Variants in LINGO2 observed in about 807,000 individuals in gnomAD.
The protein encoded by LINGO2 is leucine-rich repeat and immunoglobulin-like domain-containing nogo receptor-interacting protein 2.
In LINGO2, 14 loss-of-function variants were observed where a neutral mutation model predicts 30.6. The ratio of observed to expected loss-of-function variants is 0.46; its 90% confidence interval spans 0.30 to 0.72. The LOEUF is 0.72. Ranked by LOEUF, LINGO2 falls within the 30% of genes least tolerant of loss-of-function variation. The pLI, the probability that LINGO2 is intolerant of heterozygous loss-of-function variation, is 0.07. For missense variants in LINGO2, 729 were observed against 751.7 expected, an observed-to-expected ratio of 0.97 and a Z score of 0.35; for synonymous variants, 317 against 288.5, an observed-to-expected ratio of 1.10 and a Z score of -1.00.
At chr9:28,287,770 C>G (rs370761592) in intron 4 of LINGO2, among the ~76,000 whole-genome samples, 53 of 152,228 alleles carry the variant, frequency 3.5e-4, no homozygotes, top group African/African-American at 9.9e-4. Context: ...TTCAAGCATA[C>G]ACTGAGAGAG....
At chr9:28,444,362 G>A (rs983186770) in intron 2 of LINGO2, among the ~76,000 whole-genome samples, 2 of 152,210 alleles carry the variant, frequency 1.3e-5, no homozygotes, top group African/African-American at 2.4e-5. Flanking sequence ...TGCTGGCACT[G>A]GGTGGCCATG....
chr9:28,027,517 C>G (rs1823441870), intron 4 of LINGO2, among the ~76,000 whole-genome samples: 1 of 152,114 alleles, frequency 6.6e-6, no homozygotes, highest in Non-Finnish European at 1.5e-5. Flanking sequence ...ACTGGGGAAG[C>G]AAGCATGGGT....
chr9:29,185,548 C>A, the LINGO2 span, among the ~76,000 whole-genome samples: 2 of 152,118 alleles, frequency 1.3e-5, no homozygotes, highest in African/African-American at 4.8e-5. Flanking sequence ...TATCACACAG[C>A]TAACCTTCAT....
rs564726725 is a variant in LINGO2, at chr9:28,512,801, C to A, written c.-364-36776G>T. Among the ~76,000 whole-genome samples the A allele has an allele frequency of 7.9e-5, 12 of 151,108 alleles. No individual in the cohort carries two copies. In the East Asian group the frequency reaches 2.2e-3, roughly 27 times the overall value. On this transcript the variant is annotated intron_variant, in intron 1 of 5. Coordinates refer to ENST00000379992, the Ensembl canonical transcript of LINGO2. ...CAGTCTGAGTCCCAAAACTGAAGAACTTGGAGTCTGATGTTTGAGGGCAGG... is the reference window on the plus strand; with the variant it reads ...CAGTCTGAGTCCCAAAACTGAAGAAATTGGAGTCTGATGTTTGAGGGCAGG...
At chr9:28,771,873 G>A in the LINGO2 span, among the ~76,000 whole-genome samples, 2 of 151,930 alleles carry the variant, frequency 1.3e-5, no homozygotes, top group Middle Eastern at 3.4e-3. Context: ...GAATAGCTGG[G>A]CAAAATCTCT....
chr9:28,748,967 T>A, the LINGO2 span, among the ~76,000 whole-genome samples: 1 of 152,050 alleles, frequency 6.6e-6, no homozygotes, highest in East Asian at 1.9e-4. Flanking sequence ...GAAATCATAT[T>A]ATGGTTATAA....
At chr9:28,353,631 GA>G (rs1457289800) in intron 3 of LINGO2, among the ~76,000 whole-genome samples, 1 of 152,046 alleles carries the variant, frequency 6.6e-6, no homozygotes, top group Non-Finnish European at 1.5e-5. Flanking sequence ...AATACCATTT[GA>G]CCCAGCCATC....
At chr9:29,205,434 A>C in the LINGO2 span, among the ~76,000 whole-genome samples, 4 of 152,222 alleles carry the variant, frequency 2.6e-5, no homozygotes, top group Non-Finnish European at 2.9e-5. Context: ...TAACTTGTTC[A>C]TGATGTATTA....
intron 1 of LINGO2, among the ~76,000 whole-genome samples, chr9:28,652,059 T>C (rs1828127659): frequency 6.6e-6 from 1 of 152,186 alleles, no homozygotes. Context: ...AGAACTTTGT[T>C]TCTAAACTAT....
At chr9:28,286,194 C>G (rs946984597) in intron 4 of LINGO2, among the ~76,000 whole-genome samples, 1 of 152,106 alleles carries the variant, frequency 6.6e-6, no homozygotes, top group African/African-American at 2.4e-5. Context: ...TGACAATGGA[C>G]AGAATGAACT....
rs59135751 is a variant in LINGO2, at chr9:28,627,036, C to T, written c.-365+43164G>A. Reference sequence around the variant, plus strand: ...TTTTATTTCTAGTAATTTTTTTTAACGGTTGTTTTTGAGTTTGTGTATTTT... The same window carrying T: ...TTTTATTTCTAGTAATTTTTTTTAATGGTTGTTTTTGAGTTTGTGTATTTT... On this transcript the variant is annotated intron_variant, in intron 1 of 5. Transcript: ENST00000379992. 1.9e-3 allele frequency among the ~76,000 whole-genome samples: 282 copies of T among 151,488 alleles called. 2 individuals carry two copies. Among genetic ancestry groups the T allele is most frequent in the African/African-American group, 5.9e-3 (243 of 41,312 alleles).
At chr9:28,863,574 T>C in the LINGO2 span, 1 of 514,214 alleles carries the variant, frequency 1.9e-6, no homozygotes, top group Middle Eastern at 3.2e-4. Flanking sequence ...TCTCAATGGC[T>C]CAGTAAAGGA....
intron 3 of LINGO2, among the ~76,000 whole-genome samples, chr9:28,353,923 T>C (rs1205697519): frequency 6.6e-6 from 1 of 152,122 alleles, no homozygotes; most frequent in Non-Finnish European, 1.5e-5. Flanking sequence ...AAACACTGCA[T>C]ATTCTCACTC....
chr9:28,971,946 C>CAG, the LINGO2 span, among the ~76,000 whole-genome samples: 2 of 152,118 alleles, frequency 1.3e-5, no homozygotes, highest in Non-Finnish European at 2.9e-5. Context: ...TTGCTCAGAC[C>CAG]AGAGAGAGAG....
chr9:28,675,901 GTA>G, the LINGO2 span, among the ~76,000 whole-genome samples: 1 of 107,614 alleles, frequency 9.3e-6, no homozygotes, highest in African/African-American at 3.5e-5. Context: ...GTGTGTGTGT[GTA>G]TGTATATATA....
At chr9:29,049,206 G>A in the LINGO2 span, among the ~76,000 whole-genome samples, 14 of 152,294 alleles carry the variant, frequency 9.2e-5, no homozygotes, top group African/African-American at 3.4e-4. Flanking sequence ...CAAACAGGCA[G>A]ATGAAAAGGT....
At chr9:28,071,355 T>C (rs1018033524) in intron 4 of LINGO2, among the ~76,000 whole-genome samples, 16 of 152,250 alleles carry the variant, frequency 1.1e-4, no homozygotes, top group Middle Eastern at 3.4e-3. Context: ...TTTCTCTTTA[T>C]AGTCCTTTAA....
At chr9:28,913,243 TGTA>T in the LINGO2 span, among the ~76,000 whole-genome samples, 2 of 152,110 alleles carry the variant, frequency 1.3e-5, no homozygotes, top group Admixed American at 6.6e-5. Context: ...TAACATGTGA[TGTA>T]GTAATTATTA....
chr9:28,402,162 C>G (rs1587618857), intron 2 of LINGO2, among the ~76,000 whole-genome samples: 2 of 152,208 alleles, frequency 1.3e-5, no homozygotes, highest in South Asian at 4.2e-4. Context: ...GGATCTCCTC[C>G]CTTATCTATT....
Sources: gnomAD v4.1 joint callset for allele counts (sites outside exome capture counted in the v4.1 genomes callset) on GRCh38, gnomAD v4.1.1 for gene constraint, MANE v1.5 for transcripts, NCBI Gene and HGNC (gene_info 2026-07-23, HGNC 2026-07-21) for gene names.